Variants in TDO2 observed in about 807,000 individuals in gnomAD.
TDO2 encodes the protein tryptophan 2,3-dioxygenase.
A neutral mutation model predicts 61.2 loss-of-function variants in TDO2; 63 were observed. The observed-to-expected ratio is 1.03, with a 90% CI of 0.84 to 1.27. The LOEUF (loss-of-function observed/expected upper bound fraction) is 1.27. Among genes scored for constraint, TDO2 ranks in the 50% most tolerant of loss-of-function variants. The pLI is 0.00. For missense variants in TDO2, 494 were observed against 469.5 expected (o/e 1.05, Z -0.48); for synonymous variants, 183 against 164.0 (o/e 1.12, Z -0.89).
chr4:155,914,016 A>G (rs1742886054), intron 7 of TDO2, among the ~76,000 whole-genome samples: 2 of 152,118 alleles, frequency 1.3e-5, no homozygotes, highest in Non-Finnish European at 2.9e-5. Flanking sequence ...TTAAAATTAT[A>G]TCATTATTAA....
rs1457249272 is a variant in TDO2, at chr4:155,919,979, G to T, written c.1210G>T (p.Glu404Ter). The stretch of plus-strand genomic sequence containing the variant: ...TGATAGCTCCTACTTCAGCAGTGAT[G>T]AATCAGATTAAAATCGTCTGCAAAA... ...YCDSSYFSSD[E>*]SD Residue 404 changes from glutamate to a stop codon, truncating the protein, a stop_gained, in exon 12 of 12, where the codon GAA (glutamate) becomes TAA (stop). Coordinates refer to ENST00000536354, the MANE Select transcript of TDO2 (RefSeq NM_005651.4). LOFTEE classifies it high-confidence loss of function. 1.2e-6 allele frequency: 2 copies of T among 1,612,752 alleles called. No homozygotes were observed. The highest frequency in any genetic ancestry group is 8.5e-7 in the Non-Finnish European group (1 of 1,179,604).
At chr4:155,910,305 G>GAATGTAACTC in intron 6 of TDO2, 94 bp downstream of exon 6, 11 of 892,772 alleles carry the variant, frequency 1.2e-5, no homozygotes, top group Non-Finnish European at 1.8e-5. Flanking sequence ...TATCGAAACT[G>GAATGTAACTC]AGTTACATTC....
At chr4:155,912,537 A>G (rs1392249759) in intron 7 of TDO2, among the ~76,000 whole-genome samples, 2 of 152,104 alleles carry the variant, frequency 1.3e-5, no homozygotes, top group Non-Finnish European at 2.9e-5. Context: ...TGGATTTAGT[A>G]TATACCATTA....
rs1560774520 is a variant in TDO2 at position 155,905,076 on chromosome 4, G to A, written c.151G>A (p.Val51Ile). The A allele has an allele frequency of 6.3e-7, 1 of 1,584,844 alleles. No homozygotes were observed. Among genetic ancestry groups the A allele is most frequent in the South Asian group, 1.2e-5 (1 of 84,000 alleles). The change falls in exon 3 of 12, where the codon GTT becomes ATT. Residue 51 changes from valine (V) to isoleucine (I), a missense_variant. Physicochemically the swap from Val to Ile is conservative, Grantham distance 29. Coordinates refer to ENST00000536354, the MANE Select transcript of TDO2 (RefSeq NM_005651.4). ...IYGNYLHLEK[V>I]LNAQELQSET... ...TATTTTTCATTTCAAGTTGGAAAAA[G>A]TTTTGAATGCACAAGAACTGCAAAG... is the stretch of plus-strand genomic sequence containing the variant.
At chr4:155,905,349 T>C in intron 3 of TDO2, 192 bp downstream of exon 3, 1 of 497,606 alleles carries the variant, frequency 2.0e-6, no homozygotes, top group Non-Finnish European at 3.5e-6. Flanking sequence ...TTCTTTATGT[T>C]ACTCCTCTGC....
At chr4:155,908,775 C>T (rs939764771) in intron 4 of TDO2, 112 bp from the exon 5 acceptor site, 4 of 1,335,674 alleles carry the variant, frequency 3.0e-6, no homozygotes, top group Non-Finnish European at 4.0e-6. Flanking sequence ...TTCAAAGTTT[C>T]CCTTTAAAAC....
chr4:155,911,384 C>A, intron 6 of TDO2, 113 bp from the exon 7 acceptor site: 3 of 584,228 alleles, frequency 5.1e-6, no homozygotes, highest in South Asian at 2.9e-5. Flanking sequence ...AAACTTGTAG[C>A]ATATGTTTCT....
rs1357682276 is a variant in TDO2 at position 155,919,832 on chromosome 4, T to C, written c.1068-5T>C. On this transcript the variant is annotated splice_polypyrimidine_tract_variant and splice_region_variant and intron_variant, in intron 11 of 11. Transcript: ENST00000536354. ...TGTAACACATCTTCATGTATGTTTT[T>C]CCAGTGATAGGTACAAGGTATTTGT... is the stretch of plus-strand genomic sequence containing the variant. The C allele has an allele frequency of 1.9e-6, 3 of 1,592,888 alleles. No individual in the cohort carries two copies. Among genetic ancestry groups the C allele is most frequent in the African/African-American group, 2.7e-5 (2 of 74,210 alleles).
chr4:155,912,074 C>T (rs958127714), intron 7 of TDO2, among the ~76,000 whole-genome samples: 1 of 152,168 alleles, frequency 6.6e-6, no homozygotes, highest in Non-Finnish European at 1.5e-5. Context: ...ATCCTCTTGG[C>T]ATGACTAAAT....
chr4:155,903,739 T>C lies in TDO2; in HGVS notation c.-20T>C, dbSNP rs749112799. ...GCCTAGAGTCAAACCTCCGTGCTTC[T>C]CAGACAGTGCCTTTTCACCATGAGT... is the stretch of plus-strand genomic sequence containing the variant. On this transcript the variant is annotated 5_prime_UTR_variant, in exon 1 of 12. Transcript: ENST00000536354. 1.2e-6 allele frequency: 2 copies of C among 1,614,070 alleles called. No homozygotes were observed.
At chr4:155,915,313 G>A (rs1422164110) in intron 8 of TDO2, among the ~76,000 whole-genome samples, 2 of 152,164 alleles carry the variant, frequency 1.3e-5, no homozygotes, top group Non-Finnish European at 2.9e-5. Flanking sequence ...TAAGCTTAAA[G>A]GTTGTTAGCT....
chr4:155,917,063 G>A (rs1002123844), intron 9 of TDO2, among the ~76,000 whole-genome samples: 22 of 152,156 alleles, frequency 1.4e-4, no homozygotes, highest in Non-Finnish European at 3.1e-4. Context: ...TCTTTGCCTA[G>A]AAGTGTTTGA....
chr4:155,916,773 A>G (rs556351475), intron 9 of TDO2, among the ~76,000 whole-genome samples: 6 of 152,248 alleles, frequency 3.9e-5, no homozygotes, highest in African/African-American at 2.4e-5. Context: ...AAAAATACCT[A>G]TATTTACAGG....
In TDO2 at chr4:155,919,944, C is replaced by A; in HGVS notation, c.1175C>A (p.Ala392Glu). ...NPTIHKFLYTAEYCDSSYFSS... is the reference protein window; with the variant it reads ...NPTIHKFLYTEEYCDSSYFSS... ...ACCATTCACAAATTTCTATATACAG[C>A]AGAATACTGTGATAGCTCCTACTTC... The change falls in exon 12 of 12, where the codon GCA (alanine) becomes GAA (glutamate). Residue 392 changes from alanine to glutamate, a missense_variant. Ala to Glu is a moderately radical substitution (Grantham distance 107). Transcript: ENST00000536354. 6.2e-7 allele frequency: 1 copy of A among 1,613,556 alleles called. No homozygotes were observed.
At chr4:155,915,998 T>A in intron 9 of TDO2, 86 bp downstream of exon 9, 1 of 1,189,978 alleles carries the variant, frequency 8.4e-7, no homozygotes, top group Non-Finnish European at 1.2e-6. Context: ...AAAATTACAA[T>A]CATAGTTTAA....
At chr4:155,905,450 G>T (rs964897634) in intron 3 of TDO2, 2 of 291,404 alleles carry the variant, frequency 6.9e-6, no homozygotes, top group African/African-American at 2.2e-5. Context: ...AAGTGAAGAT[G>T]TTACGTTTCT....
intron 9 of TDO2, among the ~76,000 whole-genome samples, chr4:155,916,653 A>C (rs1468992958): frequency 6.6e-6 from 1 of 152,138 alleles, no homozygotes; most frequent in Non-Finnish European, 1.5e-5. Context: ...TTGTCTAAAA[A>C]GTTTGAAGTA....
intron 11 of TDO2, 79 bp downstream of exon 11, chr4:155,918,318 A>C: frequency 7.4e-7 from 1 of 1,351,364 alleles, no homozygotes; most frequent in Non-Finnish European, 1.0e-6. Flanking sequence ...TGCTATCTAA[A>C]AAAAGCCATT....
chr4:155,913,463 T>C (rs1742874834), intron 7 of TDO2, among the ~76,000 whole-genome samples: 2 of 152,134 alleles, frequency 1.3e-5, no homozygotes, highest in Non-Finnish European at 2.9e-5. Flanking sequence ...AAAACTTCTT[T>C]AGAAAGGTCT....
Sources: gnomAD v4.1 joint callset for allele counts (sites outside exome capture counted in the v4.1 genomes callset) on GRCh38, gnomAD v4.1.1 for gene constraint, MANE v1.5 for transcripts, NCBI Gene and HGNC (gene_info 2026-07-23, HGNC 2026-07-21) for gene names.